PRDM11: variants seen among roughly 807,000 people sequenced by gnomAD.
PRDM11 encodes PR/SET domain 11.
PRDM11 carries 20 observed loss-of-function variants against 97.8 expected under a neutral mutation model. The ratio of observed to expected loss-of-function variants is 0.20; its 90% CI spans 0.14 to 0.30. PRDM11 has a LOEUF of 0.30. Among genes scored for constraint, PRDM11 ranks in the 10% least tolerant of loss-of-function variants. PRDM11 has a pLI of 1.00. For missense variants in PRDM11, 1,139 were observed against 1,555.2 expected, an observed-to-expected ratio of 0.73 and a Z score of 4.50; for synonymous variants, 599 against 637.7, an observed-to-expected ratio of 0.94 and a Z score of 0.91.
chr11:45,211,750 C>T (rs549186817), intron 5 of PRDM11, among the ~76,000 whole-genome samples: 6 of 152,044 alleles, frequency 3.9e-5, no homozygotes, highest in South Asian at 2.1e-4. Flanking sequence ...CCGCAAAGTC[C>T]GTTGTATCAA....
chr11:45,123,168 C>A (rs934487198), intron 1 of PRDM11, among the ~76,000 whole-genome samples: 31 of 152,124 alleles, frequency 2.0e-4, no homozygotes, highest in Non-Finnish European at 3.1e-4. Context: ...TTCATATCCT[C>A]CCCCCACTTT....
chr11:45,118,176 A>G (rs921771437), intron 1 of PRDM11, among the ~76,000 whole-genome samples: 15 of 152,248 alleles, frequency 9.9e-5, no homozygotes, highest in African/African-American at 2.9e-4. Flanking sequence ...AAGAGACTTG[A>G]CAGTTAAATG....
At chr11:45,098,830 G>A (rs1481726789) in intron 1 of PRDM11, among the ~76,000 whole-genome samples, 1 of 152,144 alleles carries the variant, frequency 6.6e-6, no homozygotes, top group Non-Finnish European at 1.5e-5. Context: ...CAGAGGATGT[G>A]GGAACAGGAA....
intron 1 of PRDM11, among the ~76,000 whole-genome samples, chr11:45,175,314 C>T (rs187205035): frequency 6.6e-6 from 1 of 152,366 alleles, no homozygotes. Context: ...CCCGCAACCC[C>T]TGCCAACCTC....
chr11:45,203,760 A>C (rs1853413753), intron 4 of PRDM11, among the ~76,000 whole-genome samples: 1 of 152,028 alleles, frequency 6.6e-6, no homozygotes, highest in Admixed American at 6.6e-5. Context: ...AGCTGGGACT[A>C]CAGGTGCCCG....
intron 1 of PRDM11, among the ~76,000 whole-genome samples, chr11:45,135,973 G>A (rs1346538192): frequency 6.6e-6 from 1 of 152,192 alleles, no homozygotes; most frequent in African/African-American, 2.4e-5. Context: ...TAAATATAAT[G>A]TGGATGAGAT....
intron 4 of PRDM11, among the ~76,000 whole-genome samples, chr11:45,195,568 C>CTT (rs199927421): frequency 1.4e-5 from 2 of 146,560 alleles, no homozygotes; most frequent in African/African-American, 5.0e-5. Flanking sequence ...TACTTTCTTT[C>CTT]TTTTTTTTTT....
Position 45,179,039 on chromosome 11 carries a change from C to T in PRDM11, c.-6-2722C>T, listed in dbSNP as rs192589351. Among the ~76,000 whole-genome samples, 82 of 152,260 alleles carry T rather than the reference C, an allele frequency of 5.4e-4. 1 individual carries two copies. The highest frequency in any genetic ancestry group is 9.9e-4 in the Non-Finnish European group (67 of 68,020). On this transcript the variant is annotated intron_variant, in intron 1 of 7. Transcript: ENST00000683152. ...GGAGGGGGGCAGTGAGGTCTGAAGT[C>T]TGGATAGGAGTTCCCCAGGTGTTCT...
chr11:45,226,538 A>C lies in PRDM11; in HGVS notation c.1913A>C (p.His638Pro). The change falls in exon 8 of 8, where the codon CAT (histidine) becomes CCT (proline). Residue 638 changes from histidine (H) to proline (P), a missense_variant. His to Pro is a moderately conservative substitution (Grantham distance 77, BLOSUM62 -2). This residue lies in a region of PRDM11 where 710 missense variants were observed against 1,044.9 expected (regional missense o/e 0.68). Coordinates refer to ENST00000683152, the MANE Select transcript of PRDM11 (RefSeq NM_001384648.1). ...MNEGDCQILI[H>P]HIARALREDL... ...GAGGGAGACTGCCAGATCCTCATCC[A>C]TCACATCGCCCGGGCCCTGCGGGAA... 1 of 1,533,954 alleles carries C rather than the reference A, an allele frequency of 6.5e-7. No individual in the cohort carries two copies. Among genetic ancestry groups the C allele is most frequent in the South Asian group, 1.2e-5 (1 of 83,972 alleles).
intron 1 of PRDM11, among the ~76,000 whole-genome samples, chr11:45,167,803 G>T (rs1006327599): frequency 7.4e-6 from 1 of 134,956 alleles, no homozygotes; most frequent in South Asian, 2.5e-4. Flanking sequence ...ACACACACAC[G>T]CCATACTCGT....
At chr11:45,121,788 G>C (rs1025531361) in intron 1 of PRDM11, among the ~76,000 whole-genome samples, 1 of 151,996 alleles carries the variant, frequency 6.6e-6, no homozygotes, top group African/African-American at 2.4e-5. Context: ...ATATAAAAAG[G>C]CAACTAGAAA....
intron 1 of PRDM11, among the ~76,000 whole-genome samples, chr11:45,157,914 C>A (rs1398426627): frequency 1.3e-5 from 2 of 152,204 alleles, no homozygotes; most frequent in African/African-American, 4.8e-5. Context: ...GAAGTTTGAG[C>A]TGAGGTTGGG....
At chr11:45,157,389 C>G (rs1386314056) in intron 1 of PRDM11, among the ~76,000 whole-genome samples, 1 of 152,174 alleles carries the variant, frequency 6.6e-6, no homozygotes, top group East Asian at 1.9e-4. Context: ...CTATGATAAT[C>G]TAGTGCTGCC....
intron 5 of PRDM11, among the ~76,000 whole-genome samples, chr11:45,205,002 G>A (rs1039901500): frequency 1.3e-5 from 2 of 152,190 alleles, no homozygotes; most frequent in African/African-American, 4.8e-5. Context: ...TGCAGGGACC[G>A]CTCGGGCTGC....
intron 2 of PRDM11, 30 bp downstream of exon 2, chr11:45,181,915 G>C (rs766368080): frequency 2.5e-6 from 4 of 1,589,812 alleles, no homozygotes; most frequent in Admixed American, 3.4e-5. Flanking sequence ...ACTGGAGAGG[G>C]AGAAGTGGGA....
intron 1 of PRDM11, among the ~76,000 whole-genome samples, chr11:45,153,296 C>A (rs1851705834): frequency 6.6e-6 from 1 of 152,270 alleles, no homozygotes; most frequent in African/African-American, 2.4e-5. Flanking sequence ...GGGGTCCACA[C>A]TGTTCCCTGG....
rs35988327 is a variant in PRDM11 at position 45,102,218 on chromosome 11, C to T, written c.96+6317C>T. Among the ~76,000 whole-genome samples, 133 of 35,564 alleles carry T rather than the reference C, an allele frequency of 3.7e-3. 28 individuals carry two copies. Among genetic ancestry groups the T allele is most frequent in the Non-Finnish European group, 8.4e-3 (80 of 9,504 alleles). The allele number at this position is 35,564 out of a possible 152,430, so 23.3% of individuals were successfully genotyped here. ...GAGGCTGAGCGGAGGAAGAAGAAGG[C>T]GTTCAGGGCTCAGAGCTGGAGGCTG... On this transcript the variant is annotated intron_variant, in intron 1 of 6. Transcript: ENST00000530656.
At chr11:45,208,710 G>A (rs1182909689) in intron 5 of PRDM11, among the ~76,000 whole-genome samples, 3 of 152,076 alleles carry the variant, frequency 2.0e-5, no homozygotes, top group South Asian at 2.1e-4. Flanking sequence ...CCTCCCCTCC[G>A]AGGAGTAGTG....
At chr11:45,144,614 G>A (rs375808547), upstream of PRDM11, among the ~76,000 whole-genome samples, 1 of 152,064 alleles carries the variant, frequency 6.6e-6, no homozygotes, top group African/African-American at 2.4e-5. Flanking sequence ...CCTCATCTCC[G>A]ATATCTCTGC....
Sources: allele counts gnomAD v4.1 joint callset (sites outside exome capture counted in the v4.1 genomes callset), GRCh38; gene constraint gnomAD v4.1.1; regional missense constraint gnomAD v4.1.1; transcripts MANE v1.5; gene names NCBI Gene and HGNC (gene_info 2026-07-23, HGNC 2026-07-21).